Variants in NOL4 observed in about 807,000 individuals in gnomAD.
NOL4 encodes the protein nucleolar protein 4.
A neutral mutation model predicts 75.9 loss-of-function variants in NOL4; 17 were observed. That is an observed-to-expected ratio of 0.22 (90% CI 0.15 to 0.34). The LOEUF (loss-of-function observed/expected upper bound fraction) is 0.34, where lower values mean the gene tolerates loss of function less well. Ranked by LOEUF, NOL4 falls within the 10% of genes least tolerant of loss-of-function variation. The pLI is 1.00. For missense variants in NOL4, 614 were observed against 793.5 expected, an observed-to-expected ratio of 0.77 and a Z score of 2.72; for synonymous variants, 292 against 289.9, an observed-to-expected ratio of 1.01 and a Z score of -0.07.
rs1042803550 is a variant in NOL4 at position 34,222,051 on chromosome 18, A to G, written c.264+939T>C. On this transcript the variant is annotated intron_variant, in intron 1 of 10. Coordinates refer to ENST00000261592, the MANE Select transcript of NOL4 (RefSeq NM_003787.5). ...ATGATGCAGAAAGGTCTCCTGCATC[A>G]GATCTGCCATCCTACTTGTAGCCCA... The G allele has an allele frequency of 2.6e-6, 4 of 1,535,450 alleles. No individual in the cohort carries two copies. The African/African-American group carries it at 5.5e-5, about 21-fold the overall frequency.
chr18:33,994,645 C>T (rs1600184995), intron 6 of NOL4, among the ~76,000 whole-genome samples: 1 of 151,498 alleles, frequency 6.6e-6, no homozygotes, highest in East Asian at 1.9e-4. Flanking sequence ...TAAAGCAGTG[C>T]TTAGTGGAAA....
chr18:33,934,530 A>G (rs1402863029), intron 9 of NOL4, among the ~76,000 whole-genome samples: 1 of 152,072 alleles, frequency 6.6e-6, no homozygotes, highest in African/African-American at 2.4e-5. Context: ...ACTTTCTTCA[A>G]TTATCTTAGC....
At chr18:34,135,220 AAG>A (rs2080839075) in intron 1 of NOL4, among the ~76,000 whole-genome samples, 1 of 152,178 alleles carries the variant, frequency 6.6e-6, no homozygotes. Flanking sequence ...TTAGGAATAA[AAG>A]AAGGATCATT....
chr18:33,987,246 G>A (rs1214089630), intron 6 of NOL4, among the ~76,000 whole-genome samples: 1 of 152,072 alleles, frequency 6.6e-6, no homozygotes, highest in Non-Finnish European at 1.5e-5. Context: ...TTGGGGGATA[G>A]GGGCTGAAAT....
chr18:34,174,687 C>A (rs2033375529), intron 1 of NOL4, among the ~76,000 whole-genome samples: 1 of 152,062 alleles, frequency 6.6e-6, no homozygotes, highest in Non-Finnish European at 1.5e-5. Context: ...AGCCCCCCAC[C>A]TCCCGACAGG....
chr18:34,010,908 T>G (rs919098673), intron 6 of NOL4, among the ~76,000 whole-genome samples: 2 of 151,856 alleles, frequency 1.3e-5, no homozygotes, highest in Non-Finnish European at 2.9e-5. Context: ...TATTATCATA[T>G]TTTTTTCTAT....
intron 4 of NOL4, among the ~76,000 whole-genome samples, chr18:34,094,881 C>T (rs372508242): frequency 3.3e-5 from 5 of 151,986 alleles, no homozygotes; most frequent in East Asian, 1.9e-4. Flanking sequence ...ATACTAGAAC[C>T]GGTAGTCATA....
At position 34,183,498 on chromosome 18, in the gene NOL4, A is replaced by G. The variant is rs2034211119; in HGVS notation, c.264+39492T>C. The G allele has an allele frequency of 2.0e-5, 3 of 152,076 alleles. No homozygotes were observed. The South Asian group carries it at 6.2e-4, about 31-fold the overall frequency. 9.4% of individuals were successfully genotyped at this position (152,076 alleles called of 1,614,324 possible). ...GTTTGGCAACTTGTTATAAAGTTAA[A>G]CAAGAAAATGAAAACTTACATTCAC... On this transcript the variant is annotated intron_variant, in intron 1 of 10. Coordinates refer to ENST00000261592, the MANE Select transcript of NOL4 (RefSeq NM_003787.5).
At chr18:34,144,657 G>A (rs560237838) in intron 1 of NOL4, among the ~76,000 whole-genome samples, 1 of 152,024 alleles carries the variant, frequency 6.6e-6, no homozygotes, top group Non-Finnish European at 1.5e-5. Context: ...GGCTAAAAAC[G>A]AGTTACCCCT....
At chr18:34,055,179 G>A (rs2076784711) in intron 5 of NOL4, among the ~76,000 whole-genome samples, 1 of 151,324 alleles carries the variant, frequency 6.6e-6, no homozygotes, top group Non-Finnish European at 1.5e-5. Context: ...GTAAATTTGT[G>A]CACCAAAATT....
intron 1 of NOL4, among the ~76,000 whole-genome samples, chr18:34,187,099 G>T (rs2034519860): frequency 6.6e-6 from 1 of 151,964 alleles, no homozygotes; most frequent in African/African-American, 2.4e-5. Flanking sequence ...CAATTTTATG[G>T]GTTGTGACAA....
At chr18:34,191,067 T>G (rs1184935508) in intron 1 of NOL4, among the ~76,000 whole-genome samples, 1 of 152,084 alleles carries the variant, frequency 6.6e-6, no homozygotes, top group Non-Finnish European at 1.5e-5. Context: ...GAACAGAAAG[T>G]AGAAAGACCC....
In NOL4 at chr18:34,042,847, C is replaced by G. The variant is rs888317353; in HGVS notation, c.773-23246G>C. 2.6e-5 allele frequency among the ~76,000 whole-genome samples: 4 copies of G among 152,186 alleles called. No individual in the cohort carries two copies. In the East Asian group the frequency reaches 5.8e-4, roughly 22 times the overall value. ...CATCTTGCACTAATCTTCATCATGACATTTTTCACACTTGGGAAATAGGTC... is the reference window on the plus strand; with the variant it reads ...CATCTTGCACTAATCTTCATCATGAGATTTTTCACACTTGGGAAATAGGTC... On this transcript the variant is annotated intron_variant, in intron 5 of 10. Coordinates refer to ENST00000261592, the MANE Select transcript of NOL4 (RefSeq NM_003787.5).
chr18:34,165,852 T>G (rs2032267939), intron 1 of NOL4, among the ~76,000 whole-genome samples: 1 of 151,982 alleles, frequency 6.6e-6, no homozygotes. Flanking sequence ...AACAATACTA[T>G]ATTTTTAAAA....
chr18:34,017,116 G>C (rs1009726369), intron 6 of NOL4, among the ~76,000 whole-genome samples: 2 of 152,068 alleles, frequency 1.3e-5, no homozygotes, highest in African/African-American at 4.8e-5. Context: ...TTCCTTCAAA[G>C]TTCAAGCCTC....
At chr18:33,911,212 T>G (rs2066381285) in intron 9 of NOL4, among the ~76,000 whole-genome samples, 1 of 146,346 alleles carries the variant, frequency 6.8e-6, no homozygotes, top group Non-Finnish European at 1.5e-5. Flanking sequence ...CATGATAATA[T>G]GACTGCCATG....
chr18:33,909,555 T>C (rs1431361098), intron 9 of NOL4, among the ~76,000 whole-genome samples: 2 of 152,170 alleles, frequency 1.3e-5, no homozygotes, highest in African/African-American at 4.8e-5. Context: ...TTAATGATGC[T>C]TTCATTTATC....
chr18:34,206,659 T>C lies in NOL4; in HGVS notation c.264+16331A>G, dbSNP rs140472240. Among the ~76,000 whole-genome samples, 1,161 of 152,280 alleles carry C rather than the reference T, an allele frequency of 7.6e-3. 8 individuals are homozygous for C. The highest frequency in any genetic ancestry group is 0.012 in the Non-Finnish European group (822 of 67,994). On this transcript the variant is annotated intron_variant, in intron 1 of 10. Coordinates refer to ENST00000261592, the MANE Select transcript of NOL4 (RefSeq NM_003787.5). Reference sequence around the variant, plus strand: ...AATTTTCCCCTGGCTTCTTTCAAGATGGTTTTCTTTCATTAGTTTCAATTA... The same window carrying C: ...AATTTTCCCCTGGCTTCTTTCAAGACGGTTTTCTTTCATTAGTTTCAATTA...
chr18:33,977,640 C>T (rs888845920), intron 6 of NOL4, among the ~76,000 whole-genome samples: 1 of 152,268 alleles, frequency 6.6e-6, no homozygotes, highest in South Asian at 2.1e-4. Flanking sequence ...GCCTACCCAT[C>T]CATACCTACT....
Sources: gnomAD v4.1 joint callset for allele counts (sites outside exome capture counted in the v4.1 genomes callset) on GRCh38, gnomAD v4.1.1 for gene constraint, MANE v1.5 for transcripts, NCBI Gene and HGNC (gene_info 2026-07-23, HGNC 2026-07-21) for gene names.